Variants in NEK9 observed in about 807,000 individuals in gnomAD.
NEK9 encodes serine/threonine-protein kinase Nek9.
Under a neutral mutation model 123.4 loss-of-function variants are expected in NEK9, and 75 were observed. The observed-to-expected ratio is 0.61, with a 90% CI of 0.50 to 0.74. The LOEUF (loss-of-function observed/expected upper bound fraction) is 0.74. NEK9 is among the 30% of genes least tolerant of loss of function. The pLI, the probability that NEK9 is intolerant of heterozygous loss-of-function variation, is 0.00. For missense variants in NEK9, 952 were observed against 1,214.4 expected, an observed-to-expected ratio of 0.78 and a Z score of 3.21; for synonymous variants, 438 against 458.7, an observed-to-expected ratio of 0.95 and a Z score of 0.58.
intron 19 of NEK9, among the ~76,000 whole-genome samples, chr14:75,090,803 G>A (rs1157955842): frequency 6.6e-6 from 1 of 152,066 alleles, no homozygotes. Context: ...GAGCTCCTAG[G>A]CTCAAGTGAT....
chr14:75,111,689 G>A (rs1300015822), intron 8 of NEK9, among the ~76,000 whole-genome samples: 2 of 152,252 alleles, frequency 1.3e-5, no homozygotes, highest in East Asian at 1.9e-4. Context: ...TCAGGAGTTC[G>A]AGACTAGCCT....
intron 21 of NEK9, among the ~76,000 whole-genome samples, chr14:75,085,334 T>G (rs1341632260): frequency 6.6e-6 from 1 of 152,228 alleles, no homozygotes; most frequent in Non-Finnish European, 1.5e-5. Context: ...TTAGTTCATT[T>G]AATCCTCCAA....
chr14:75,109,583 A>G, intron 10 of NEK9, 102 bp downstream of exon 10: 2 of 1,055,494 alleles, frequency 1.9e-6, no homozygotes, highest in Non-Finnish European at 2.8e-6. Flanking sequence ...CCATGTTGCC[A>G]CTCCCTTAGT....
chr14:75,124,132 G>C lies in NEK9; in HGVS notation c.311C>G (p.Ala104Gly), dbSNP rs760753827. 15 of 1,613,978 alleles carry C rather than the reference G, an allele frequency of 9.3e-6. No individual in the cohort carries two copies. Among genetic ancestry groups the C allele is most frequent in the Non-Finnish European group, 1.2e-5 (14 of 1,179,874 alleles). ...RDALNEIVIL[A>G]LLQHDNIIAY... ...AATAATGTTGTCGTGCTGCAGCAGT[G>C]CCAGAATAACAATCTCATTCAAGGC... Residue 104 changes from alanine to glycine, a missense_variant, in exon 2 of 22, where the codon GCA becomes GGA. Ala to Gly is a moderately conservative substitution (Grantham distance 60, BLOSUM62 0). Coordinates refer to ENST00000238616, the MANE Select transcript of NEK9 (RefSeq NM_033116.6).
At chr14:75,102,184 T>C (rs1217033429) in intron 14 of NEK9, among the ~76,000 whole-genome samples, 1 of 152,212 alleles carries the variant, frequency 6.6e-6, no homozygotes, top group African/African-American at 2.4e-5. Context: ...TCTAATTTCA[T>C]CTATAGGGTA....
chr14:75,084,748 A>C, intron 21 of NEK9, 62 bp from the exon 22 acceptor site: 10 of 1,603,822 alleles, frequency 6.2e-6, no homozygotes, highest in Non-Finnish European at 7.7e-6. Context: ...GAAGTAGTTC[A>C]GTACTATATT....
At chr14:75,106,361 GAAAA>G (rs34426692) in intron 12 of NEK9, 137 bp downstream of exon 12, 1,637 of 298,168 alleles carry the variant, frequency 5.5e-3, no homozygotes, top group East Asian at 6.9e-3. Flanking sequence ...TCTGTCTCGA[GAAAA>G]AAAAAAAAAA....
intron 14 of NEK9, among the ~76,000 whole-genome samples, 188 bp from the exon 15 acceptor site, chr14:75,101,953 G>A (rs1477680524): frequency 6.6e-6 from 1 of 152,216 alleles, no homozygotes; most frequent in Admixed American, 6.5e-5. Flanking sequence ...TATGTAATCA[G>A]AGAATGCAGC....
rs1894265411 is a variant in NEK9, at chr14:75,092,877, T to C, written c.2234-1399A>G. ...AGGCTAAATGTAAAGAAGGGTTAAT[T>C]ATCACCTGCTGTGCTGGCCTGGGGA... On this transcript the variant is annotated intron_variant, in intron 18 of 21. Coordinates refer to ENST00000238616, the MANE Select transcript of NEK9 (RefSeq NM_033116.6). Among the ~76,000 whole-genome samples, 3 of 152,258 alleles carry C rather than the reference T, an allele frequency of 2.0e-5. No homozygotes were observed. In the South Asian group the frequency reaches 6.2e-4, roughly 32 times the overall value.
At position 75,097,106 on chromosome 14, in the gene NEK9, T is replaced by C; in HGVS notation, c.2167A>G (p.Ile723Val). 5 of 1,605,396 alleles carry C rather than the reference T, an allele frequency of 3.1e-6. No homozygotes were observed. The highest frequency in any genetic ancestry group is 4.3e-6 in the Non-Finnish European group (5 of 1,175,562). Residue 723 changes from isoleucine to valine, a missense_variant, in exon 17 of 22, where the codon ATC becomes GTC. Physicochemically the swap from Ile to Val is conservative, Grantham distance 29. This residue lies in a region of NEK9 where 698 missense variants were observed against 875.6 expected (regional missense o/e 0.80). Transcript: ENST00000238616. Reference protein sequence around the residue: ...LSCRGWHTILIVEKVLNSKTI... With the variant: ...LSCRGWHTILVVEKVLNSKTI... The stretch of plus-strand genomic sequence containing the variant: ...AGACATATGAAACTCTTACCAACGA[T>C]GAGAATGGTATGCCATCCACGGCAA...
Position 75,083,230 on chromosome 14 carries a change from G to T in NEK9, c.*1334C>A, listed in dbSNP as rs747934585. On this transcript the variant is annotated 3_prime_UTR_variant, in exon 22 of 22. Coordinates refer to ENST00000238616, the MANE Select transcript of NEK9 (RefSeq NM_033116.6). Reference sequence around the variant, plus strand: ...GGATGTGTGACACAAAATACCACAGGAACATTTTACAAGGCTAGGTGGAAA... The same window carrying T: ...GGATGTGTGACACAAAATACCACAGTAACATTTTACAAGGCTAGGTGGAAA... 52 of 397,380 alleles carry T rather than the reference G, an allele frequency of 1.3e-4. 1 individual carries two copies. Among genetic ancestry groups the T allele is most frequent in the African/African-American group, 9.0e-4 (44 of 48,622 alleles). 24.6% of individuals were successfully genotyped at this position (397,380 alleles called of 1,614,324 possible).
intron 20 of NEK9, among the ~76,000 whole-genome samples, chr14:75,087,823 C>T (rs1490302324): frequency 1.3e-5 from 2 of 152,152 alleles, no homozygotes; most frequent in African/African-American, 4.8e-5. Flanking sequence ...ACAAATAGCC[C>T]ATAGGCCAAT....
chr14:75,110,172 C>A, intron 9 of NEK9, 149 bp downstream of exon 9: 1 of 659,060 alleles, frequency 1.5e-6, no homozygotes. Flanking sequence ...TAGCTTTCTT[C>A]TTAGAAATGA....
In NEK9 at chr14:75,088,547, T is replaced by A; in HGVS notation, c.2537A>T (p.Glu846Val). 1 of 1,614,094 alleles carries A rather than the reference T, an allele frequency of 6.2e-7. No individual in the cohort carries two copies. Among genetic ancestry groups the A allele is most frequent in the Non-Finnish European group, 8.5e-7 (1 of 1,180,000 alleles). Residue 846 changes from glutamate to valine, a missense_variant, in exon 20 of 22, where the codon GAA (glutamate) becomes GTA (valine). Physicochemically the swap from Glu to Val is moderately radical, Grantham distance 121. Around this residue, in one of 4 missense-constraint regions of NEK9, gnomAD observed 698 missense variants for 875.6 expected, o/e 0.80. Transcript: ENST00000238616. ...GGCCACTTTGAGTCCTTGCAGCTCT[T>A]CATAGGGCAGGGTATCTTTCTCAGA... ...SESEKDTLPY[E>V]ELQGLKVASE...
intron 1 of NEK9, among the ~76,000 whole-genome samples, chr14:75,124,744 T>C (rs1306299892): frequency 6.6e-6 from 1 of 151,906 alleles, no homozygotes; most frequent in East Asian, 1.9e-4. Flanking sequence ...CTCATACTTT[T>C]ATGTATCCTG....
chr14:75,123,391 T>G (rs369366583), intron 2 of NEK9, among the ~76,000 whole-genome samples: 1 of 151,324 alleles, frequency 6.6e-6, no homozygotes, highest in Non-Finnish European at 1.5e-5. Flanking sequence ...CCAACAAGAG[T>G]AAAACTCCAT....
At position 75,095,322 on chromosome 14, in the gene NEK9, A is replaced by C. The variant is rs576584936; in HGVS notation, c.2233+50T>G. ...TTGGAGTCTACATGGAATCTAACCA[A>C]AAGACCCACACTTCAGAAAACCACT... On this transcript the variant is annotated intron_variant, in intron 18 of 21. Transcript: ENST00000238616. 4 of 1,391,164 alleles carry C rather than the reference A, an allele frequency of 2.9e-6. No individual in the cohort carries two copies. The African/African-American group carries it at 4.3e-5, about 15-fold the overall frequency. 86.2% of individuals were successfully genotyped at this position (1,391,164 alleles called of 1,614,324 possible).
At chr14:75,104,106 A>G in intron 13 of NEK9, 109 bp from the exon 14 acceptor site, 1 of 1,075,324 alleles carries the variant, frequency 9.3e-7, no homozygotes. Flanking sequence ...GAATGACTAC[A>G]GGAAAGTGAG....
intron 2 of NEK9, among the ~76,000 whole-genome samples, chr14:75,123,760 T>C (rs1004375323): frequency 6.6e-6 from 1 of 152,108 alleles, no homozygotes; most frequent in African/African-American, 2.4e-5. Context: ...TGTCATTTCA[T>C]AAAGAAAAAC....
Sources: gnomAD v4.1 joint callset for allele counts (sites outside exome capture counted in the v4.1 genomes callset) on GRCh38, gnomAD v4.1.1 for gene constraint, gnomAD v4.1.1 regional missense constraint, MANE v1.5 for transcripts, NCBI Gene and HGNC (gene_info 2026-07-23, HGNC 2026-07-21) for gene names.